Variants in DSCAML1 observed in about 807,000 individuals in gnomAD.
DSCAML1 encodes the protein DS cell adhesion molecule like 1.
Under a neutral mutation model 200.5 loss-of-function variants are expected in DSCAML1, and 38 were observed. That is an observed-to-expected ratio of 0.19 (90% confidence interval 0.15 to 0.25). The LOEUF (loss-of-function observed/expected upper bound fraction) is 0.25, where lower values mean the gene tolerates loss of function less well. DSCAML1 is among the 10% of genes least tolerant of loss of function. The probability of loss-of-function intolerance (pLI) is 1.00; values close to 1 mark genes in which losing one functional copy is unlikely to be tolerated. For synonymous variants in DSCAML1, 1,215 were observed against 1,165.0 expected, an observed-to-expected ratio of 1.04 and a Z score of -0.87; for missense variants, 2,223 against 2,858.8, an observed-to-expected ratio of 0.78 and a Z score of 5.07.
intron 3 of DSCAML1, among the ~76,000 whole-genome samples, chr11:117,767,282 G>A (rs2134028195): frequency 6.6e-6 from 1 of 152,208 alleles, no homozygotes; most frequent in South Asian, 2.1e-4. Flanking sequence ...TGTGCCTCAG[G>A]CCCCACATCT....
Position 117,431,559 on chromosome 11 carries a change from G to C in DSCAML1, c.5349C>G (p.Tyr1783Ter). ...HGVTVTESDS[Y>*]SASLSQDTDK... The stretch of plus-strand genomic sequence containing the variant: ...CTGTGTCCTGGGACAGGCTGGCACT[G>C]TAGCTGTCACTCTCAGTGACCGTGA... Residue 1783 changes from tyrosine (Y) to a stop codon, truncating the protein, a stop_gained, in exon 31 of 33, where the codon TAC (tyrosine) becomes TAG (stop). Transcript: ENST00000651296. LOFTEE classifies it high-confidence loss of function. 1 of 1,599,618 alleles carries C rather than the reference G, an allele frequency of 6.3e-7. No individual in the cohort carries two copies. Among genetic ancestry groups the C allele is most frequent in the Non-Finnish European group, 8.5e-7 (1 of 1,172,046 alleles).
chr11:117,778,130 G>GC (rs1465320546), intron 2 of DSCAML1, among the ~76,000 whole-genome samples: 2 of 152,218 alleles, frequency 1.3e-5, no homozygotes, highest in East Asian at 3.9e-4. Context: ...GCTCTTCCCG[G>GC]CCCTCCCTCG....
intron 3 of DSCAML1, among the ~76,000 whole-genome samples, chr11:117,603,691 C>T (rs2051508938): frequency 6.6e-6 from 1 of 152,172 alleles, no homozygotes; most frequent in Non-Finnish European, 1.5e-5. Context: ...AGATCAATTC[C>T]TCTCTTCCAG....
intron 3 of DSCAML1, among the ~76,000 whole-genome samples, chr11:117,731,170 T>TAA (rs368923427): frequency 5.5e-4 from 83 of 149,960 alleles, no homozygotes; most frequent in African/African-American, 2.0e-3. Flanking sequence ...AAGCTGCTAC[T>TAA]AAAAAAAAAA....
At chr11:117,617,925 C>CATGTGTTA (rs1436257402) in intron 3 of DSCAML1, among the ~76,000 whole-genome samples, 2 of 152,150 alleles carry the variant, frequency 1.3e-5, no homozygotes, top group Non-Finnish European at 2.9e-5. Flanking sequence ...CACTGTCTGT[C>CATGTGTTA]CATGCCCAGG....
At chr11:117,687,026 C>A (rs759815896) in intron 3 of DSCAML1, among the ~76,000 whole-genome samples, 2 of 152,150 alleles carry the variant, frequency 1.3e-5, no homozygotes, top group Non-Finnish European at 2.9e-5. Context: ...CTCTTATTAA[C>A]CCCATCTCTG....
intron 3 of DSCAML1, among the ~76,000 whole-genome samples, chr11:117,584,570 G>A (rs773544240): frequency 6.6e-6 from 1 of 152,194 alleles, no homozygotes; most frequent in Non-Finnish European, 1.5e-5. Context: ...AGTCCTCAGA[G>A]CAAAGTTCTC....
chr11:117,496,074 A>C (rs1468778450), intron 11 of DSCAML1, among the ~76,000 whole-genome samples: 1 of 151,828 alleles, frequency 6.6e-6, no homozygotes, highest in East Asian at 1.9e-4. Context: ...TCCAAACCCA[A>C]TCAAGCCCAT....
At chr11:117,571,475 T>C (rs1476687180) in intron 3 of DSCAML1, among the ~76,000 whole-genome samples, 2 of 152,184 alleles carry the variant, frequency 1.3e-5, no homozygotes, top group Admixed American at 6.5e-5. Flanking sequence ...TGATCTGGTC[T>C]CTCTGGCCTC....
chr11:117,782,902 C>T (rs1035907292), intron 1 of DSCAML1, among the ~76,000 whole-genome samples: 2 of 152,020 alleles, frequency 1.3e-5, no homozygotes, highest in Non-Finnish European at 2.9e-5. Context: ...GCAACTTACC[C>T]AAGACCACAA....
intron 3 of DSCAML1, among the ~76,000 whole-genome samples, chr11:117,538,459 G>A (rs953576602): frequency 2.2e-4 from 33 of 152,278 alleles, no homozygotes; most frequent in Admixed American, 1.0e-3. Context: ...CGCCTCCTGC[G>A]GTCAGGCCTC....
intron 6 of DSCAML1, among the ~76,000 whole-genome samples, chr11:117,520,161 T>C (rs771952865): frequency 1.1e-4 from 17 of 152,180 alleles, no homozygotes; most frequent in Non-Finnish European, 2.9e-5. Context: ...CTCCTCTGTG[T>C]GGGCACAGCC....
At chr11:117,443,468 T>C (rs547376781) in intron 21 of DSCAML1, among the ~76,000 whole-genome samples, 241 of 152,382 alleles carry the variant, frequency 1.6e-3, no homozygotes, top group Admixed American at 3.2e-3. Flanking sequence ...CTGCCCGGTG[T>C]CCAGTTCAGC....
intron 4 of DSCAML1, among the ~76,000 whole-genome samples, chr11:117,525,317 G>A (rs1050809019): frequency 6.6e-6 from 1 of 152,252 alleles, no homozygotes; most frequent in African/African-American, 2.4e-5. Flanking sequence ...GGGCTGGGAG[G>A]AGGAGAGGAT....
chr11:117,718,092 C>T (rs1028385890), intron 3 of DSCAML1, among the ~76,000 whole-genome samples: 7 of 152,232 alleles, frequency 4.6e-5, no homozygotes, highest in East Asian at 1.9e-4. Flanking sequence ...AACGGCTGCA[C>T]GTCCGTGGCA....
chr11:117,445,432 T>C (rs2048157872), intron 20 of DSCAML1, among the ~76,000 whole-genome samples: 1 of 152,246 alleles, frequency 6.6e-6, no homozygotes, highest in Non-Finnish European at 1.5e-5. Flanking sequence ...CGTTGATATG[T>C]GCTTGAAGTG....
intron 3 of DSCAML1, among the ~76,000 whole-genome samples, chr11:117,706,384 C>T (rs1363928178): frequency 6.6e-6 from 1 of 152,182 alleles, no homozygotes; most frequent in Non-Finnish European, 1.5e-5. Flanking sequence ...TAGTTCAGAT[C>T]ACTTCTAACT....
intron 3 of DSCAML1, among the ~76,000 whole-genome samples, chr11:117,569,127 C>A (rs987231611): frequency 7.2e-5 from 11 of 152,108 alleles, no homozygotes; most frequent in African/African-American, 2.7e-4. Flanking sequence ...GGAAAGGATT[C>A]CCTATTTAAT....
chr11:117,428,718 T>C lies in DSCAML1; in HGVS notation c.5772A>G (p.Pro1924=). The change falls in exon 33 of 33, where the codon CCA becomes CCG. Residue 1924 remains proline (P), a synonymous_variant. Coordinates refer to ENST00000651296, the MANE Select transcript of DSCAML1 (RefSeq NM_020693.4). The part of the protein sequence containing the change: ...ADGREPCPVV[P]PREASIRNLA... The stretch of plus-strand genomic sequence containing the variant: ...GGTTCCGGATGGAGGCCTCACGGGG[T>C]GGGACCACGGGGCAGGGCTCACGTC... 1 of 1,613,064 alleles carries C rather than the reference T, an allele frequency of 6.2e-7. No homozygotes were observed. Among genetic ancestry groups the C allele is most frequent in the Non-Finnish European group, 8.5e-7 (1 of 1,179,702 alleles).
Sources: allele counts gnomAD v4.1 joint callset (sites outside exome capture counted in the v4.1 genomes callset), GRCh38; gene constraint gnomAD v4.1.1; transcripts MANE v1.5; gene names NCBI Gene and HGNC (gene_info 2026-07-23, HGNC 2026-07-21).